Variants in ZNF282 observed in about 807,000 individuals in gnomAD.
ZNF282 encodes the protein HTLV-I U5 repressive element-binding protein 1.
ZNF282 carries 30 observed loss-of-function variants against 61.9 expected under a neutral mutation model. That is an observed-to-expected ratio of 0.48 (90% confidence interval 0.36 to 0.66). ZNF282 has a LOEUF of 0.66. Ranked by LOEUF, ZNF282 falls within the 30% of genes least tolerant of loss-of-function variation. The pLI is 0.00. For missense variants in ZNF282, 788 were observed against 941.4 expected (o/e 0.84, Z 2.13); for synonymous variants, 396 against 405.0 (o/e 0.98, Z 0.27).
intron 2 of ZNF282, among the ~76,000 whole-genome samples, chr7:149,205,103 G>A (rs1795972228): frequency 6.6e-6 from 1 of 151,996 alleles, no homozygotes; most frequent in Non-Finnish European, 1.5e-5. Context: ...ACTCCAGCCT[G>A]GAGACAGAGC....
intron 5 of ZNF282, 138 bp downstream of exon 5, chr7:149,210,842 C>T: frequency 7.8e-7 from 1 of 1,275,936 alleles, no homozygotes; most frequent in South Asian, 1.6e-5. Flanking sequence ...GCTGTGCATC[C>T]AGGGCTGGGC....
In ZNF282 at chr7:149,224,467, C is replaced by T. The variant is rs142872769; in HGVS notation, c.1836C>T (p.Ile612=). ...FQCALCGKSF[I]RKQNLLKHQR... is the part of the protein sequence containing the mutation. ...GTGCACTGTGCGGCAAGAGCTTCATCCGCAAGCAGAACCTGCTCAAGCACC... is the reference window on the plus strand; with the variant it reads ...GTGCACTGTGCGGCAAGAGCTTCATTCGCAAGCAGAACCTGCTCAAGCACC... Residue 612 remains isoleucine, a synonymous_variant, in exon 8 of 8, where the codon ATC becomes ATT. Coordinates refer to ENST00000610704, the MANE Select transcript of ZNF282 (RefSeq NM_003575.4). The T allele has an allele frequency of 5.5e-5, 88 of 1,613,630 alleles. No individual in the cohort carries two copies. Among genetic ancestry groups the T allele is most frequent in the Non-Finnish European group, 7.1e-5 (84 of 1,179,970 alleles).
At chr7:149,210,740 G>C in intron 5 of ZNF282, 36 bp downstream of exon 5, 1 of 1,515,570 alleles carries the variant, frequency 6.6e-7, no homozygotes, top group African/African-American at 1.4e-5. Context: ...ACCAGGGAGG[G>C]GAGGGGAGGG....
At chr7:149,196,267 G>A (rs1481956760) in intron 1 of ZNF282, among the ~76,000 whole-genome samples, 1 of 152,230 alleles carries the variant, frequency 6.6e-6, no homozygotes. Flanking sequence ...CACCGGGTGT[G>A]ATCCAGGGAG....
chr7:149,212,992 A>G (rs1372967885), intron 6 of ZNF282, among the ~76,000 whole-genome samples: 4 of 152,338 alleles, frequency 2.6e-5, no homozygotes, highest in Admixed American at 6.5e-5. Context: ...TTGAGTGAAT[A>G]CTAGTTAGAA....
Position 149,213,697 on chromosome 7 carries a change from A to C in ZNF282, c.1067-4A>C. 1 of 1,610,002 alleles carries C rather than the reference A, an allele frequency of 6.2e-7. No individual in the cohort carries two copies. Among genetic ancestry groups the C allele is most frequent in the Non-Finnish European group, 8.5e-7 (1 of 1,176,774 alleles). Reference sequence around the variant, plus strand: ...CTAAGACTGCCTTCTTTCCATGACAACAGAGTCTCTCATCTCAGCACATGA... The same window carrying C: ...CTAAGACTGCCTTCTTTCCATGACACCAGAGTCTCTCATCTCAGCACATGA... On this transcript the variant is annotated splice_polypyrimidine_tract_variant and splice_region_variant and intron_variant, in intron 6 of 7. Coordinates refer to ENST00000610704, the MANE Select transcript of ZNF282 (RefSeq NM_003575.4).
At chr7:149,223,739 C>T (rs1442997009) in intron 7 of ZNF282, 73 bp from the exon 8 acceptor site, 4 of 1,371,806 alleles carry the variant, frequency 2.9e-6, no homozygotes, top group Non-Finnish European at 3.8e-6. Context: ...GCTCCCTGGG[C>T]CCCCCTTCGG....
In ZNF282 at chr7:149,212,376, A is replaced by G. The variant is rs538721600; in HGVS notation, c.971A>G (p.Gln324Arg). Reference sequence around the variant, plus strand: ...CAAGTAGACTCCCCAATTTCTGCCCAGGACCTCTTGTCCCGGATTAAACAG... The same window carrying G: ...CAAGTAGACTCCCCAATTTCTGCCCGGGACCTCTTGTCCCGGATTAAACAG... The part of the protein sequence containing the change: ...ESITDSPISA[Q>R]DLLSRIKQEE... Residue 324 changes from glutamine (Q) to arginine (R), a missense_variant, in exon 6 of 8, where the codon CAG becomes CGG. By Grantham distance (43) the Gln-to-Arg change is conservative. Transcript: ENST00000610704. The G allele has an allele frequency of 1.2e-6, 2 of 1,611,822 alleles. No individual in the cohort carries two copies. Among genetic ancestry groups the G allele is most frequent in the East Asian group, 2.2e-5 (1 of 44,696 alleles).
intron 2 of ZNF282, among the ~76,000 whole-genome samples, chr7:149,204,001 G>A (rs972849892): frequency 6.6e-6 from 1 of 152,104 alleles, no homozygotes; most frequent in Non-Finnish European, 1.5e-5. Context: ...AGCAGCTTAG[G>A]TGAGTGGGTC....
chr7:149,224,686 C>CG lies in ZNF282; in HGVS notation c.*44dup. 2.1e-6 allele frequency: 3 copies of CG among 1,452,894 alleles called. No individual in the cohort carries two copies. The highest frequency in any genetic ancestry group is 2.8e-5 in the South Asian group (2 of 71,036). 90.0% of individuals were successfully genotyped at this position (1,452,894 alleles called of 1,614,324 possible). ...GAGGGCAGGGCCGGACGGAGTGGAT[C>CG]GGGGGCGGCCTGAGCACCAACCACC... On this transcript the variant is annotated 3_prime_UTR_variant, in exon 8 of 8. Transcript: ENST00000610704.
At chr7:149,202,937 G>A (rs1795936995) in intron 2 of ZNF282, among the ~76,000 whole-genome samples, 1 of 152,060 alleles carries the variant, frequency 6.6e-6, no homozygotes, top group African/African-American at 2.4e-5. Context: ...ACAGCTTCCT[G>A]GCAGGGACTG....
chr7:149,219,668 G>C (rs1374613989), intron 7 of ZNF282, among the ~76,000 whole-genome samples: 1 of 152,148 alleles, frequency 6.6e-6, no homozygotes, highest in African/African-American at 2.4e-5. Context: ...CCAACATGGA[G>C]AGACCCTGTC....
chr7:149,221,329 G>A (rs1796246988), intron 7 of ZNF282, among the ~76,000 whole-genome samples: 1 of 152,230 alleles, frequency 6.6e-6, no homozygotes, highest in South Asian at 2.1e-4. Flanking sequence ...TGCCTGGGCT[G>A]CCGGGCCTGG....
At chr7:149,210,913 C>T (rs1296985080) in intron 5 of ZNF282, among the ~76,000 whole-genome samples, 1 of 152,236 alleles carries the variant, frequency 6.6e-6, no homozygotes, top group Non-Finnish European at 1.5e-5. Context: ...TTTGCTGGTA[C>T]ACCTGGGCTC....
At chr7:149,207,596 C>T in intron 4 of ZNF282, 126 bp downstream of exon 4, 1 of 1,404,560 alleles carries the variant, frequency 7.1e-7, no homozygotes, top group South Asian at 1.4e-5. Flanking sequence ...GGGTGGCTCC[C>T]AGGGGCCAGT....
chr7:149,212,620 G>T (rs1185623918), intron 6 of ZNF282, 149 bp downstream of exon 6: 4 of 651,522 alleles, frequency 6.1e-6, no homozygotes, highest in Non-Finnish European at 1.0e-5. Flanking sequence ...TTGCTCTGTT[G>T]TTCAGGCTGG....
chr7:149,217,590 G>C (rs531879655), intron 7 of ZNF282, among the ~76,000 whole-genome samples: 1 of 151,342 alleles, frequency 6.6e-6, no homozygotes, highest in Non-Finnish European at 1.5e-5. Context: ...AGTGAAGAAA[G>C]ACCTTTTCTT....
At chr7:149,195,816 G>T (rs1173304101) in intron 1 of ZNF282, 62 bp downstream of exon 1, 3 of 1,290,870 alleles carry the variant, frequency 2.3e-6, no homozygotes, top group African/African-American at 3.1e-5. Context: ...GGGCTGGGCC[G>T]CGGGACCGGG....
In ZNF282 at chr7:149,210,605, G is replaced by A; in HGVS notation, c.853G>A (p.Ala285Thr). Residue 285 changes from alanine to threonine, a missense_variant, in exon 5 of 8, where the codon GCG becomes ACG. By Grantham distance (58) the Ala-to-Thr change is moderately conservative. Transcript: ENST00000610704. Reference sequence around the variant, plus strand: ...CCCAGGAGCAGAGCCCCTGGTGCCTGCGCAGGATGCGTCCTCCCAGGTGAA... The same window carrying A: ...CCCAGGAGCAGAGCCCCTGGTGCCTACGCAGGATGCGTCCTCCCAGGTGAA... Reference protein sequence around the residue: ...PEAGAEPLVPAQDASSQVKRE... With the variant: ...PEAGAEPLVPTQDASSQVKRE... 1 of 1,611,896 alleles carries A rather than the reference G, an allele frequency of 6.2e-7. No individual in the cohort carries two copies. Among genetic ancestry groups the A allele is most frequent in the East Asian group, 2.2e-5 (1 of 44,842 alleles).
Sources: allele counts gnomAD v4.1 joint callset (sites outside exome capture counted in the v4.1 genomes callset), GRCh38; gene constraint gnomAD v4.1.1; transcripts MANE v1.5; gene names NCBI Gene and HGNC (gene_info 2026-07-23, HGNC 2026-07-21).